The following DNAH3 variants were observed in gnomAD, a reference collection of about 807,000 sequenced individuals.
DNAH3 encodes dynein axonemal heavy chain 3.
DNAH3 carries 332 observed loss-of-function variants against 432.5 expected under a neutral mutation model. The observed-to-expected ratio is 0.77, with a 90% CI of 0.70 to 0.84. The LOEUF is 0.84. Ranked by LOEUF, DNAH3 falls within the 40% of genes least tolerant of loss-of-function variation. DNAH3 has a pLI of 0.00. For missense variants in DNAH3, 4,861 were observed against 5,114.0 expected (o/e 0.95, Z 1.51); for synonymous variants, 1,956 against 1,900.2 (o/e 1.03, Z -0.76).
In DNAH3 at chr16:21,079,222, G is replaced by A. The variant is rs371253567; in HGVS notation, c.2969+2414C>T. Among the ~76,000 whole-genome samples the A allele has an allele frequency of 1.7e-4, 26 of 152,268 alleles. No individual in the cohort carries two copies. In the South Asian group the frequency reaches 3.3e-3, roughly 19 times the overall value. ...TCCTAAGTGAAATGTTCATTCTTTCGGTTACTAGTGTGATCAATGGCTAAT... is the reference window on the plus strand; with the variant it reads ...TCCTAAGTGAAATGTTCATTCTTTCAGTTACTAGTGTGATCAATGGCTAAT... On this transcript the variant is annotated intron_variant, in intron 20 of 61. Coordinates refer to ENST00000261383, the Ensembl canonical transcript of DNAH3.
rs2090305757 is a variant in DNAH3 at position 21,060,441 on chromosome 16, G to A, written c.3721-85C>T. 3.0e-6 allele frequency: 3 copies of A among 986,272 alleles called. No individual in the cohort carries two copies. The African/African-American group carries it at 4.8e-5, about 16-fold the overall frequency. 61.1% of individuals were successfully genotyped at this position (986,272 alleles called of 1,614,324 possible). On this transcript the variant is annotated intron_variant, in intron 25 of 61. Coordinates refer to ENST00000261383, the Ensembl canonical transcript of DNAH3. ...TGGGCAGAACACAGCTTTCTCTCTG[G>A]ACACGGCTGGAGGGATGCCAAAGGC...
chr16:20,949,637 G>A (rs2084222274), intron 56 of DNAH3, among the ~76,000 whole-genome samples: 1 of 152,162 alleles, frequency 6.6e-6, no homozygotes, highest in South Asian at 2.1e-4. Flanking sequence ...TTGAGATGGT[G>A]GCAGTAACAG....
At chr16:21,030,980 C>A (rs2152723451) in intron 37 of DNAH3, 65 bp downstream of exon 37, 3 of 1,540,966 alleles carry the variant, frequency 1.9e-6, no homozygotes, top group Middle Eastern at 3.4e-4. Flanking sequence ...TTTGATCAAT[C>A]ACTTACTTCA....
At chr16:20,995,230 G>A (rs2086712697) in intron 44 of DNAH3, among the ~76,000 whole-genome samples, 1 of 152,022 alleles carries the variant, frequency 6.6e-6, no homozygotes, top group Admixed American at 6.6e-5. Flanking sequence ...ACAGCCGTGA[G>A]CCAGAGCCCG....
chr16:20,988,786 T>C (rs1377150510), intron 44 of DNAH3, among the ~76,000 whole-genome samples: 1 of 151,882 alleles, frequency 6.6e-6, no homozygotes, highest in Non-Finnish European at 1.5e-5. Context: ...GCTCTTAAGG[T>C]GGCGCGTCTG....
intron 41 of DNAH3, among the ~76,000 whole-genome samples, chr16:21,009,167 T>TG (rs2087462378): frequency 6.6e-6 from 1 of 152,246 alleles, no homozygotes; most frequent in African/African-American, 2.4e-5. Context: ...AGAAATAACT[T>TG]ACATATCCTA....
chr16:21,103,753 T>C (rs895449422), intron 16 of DNAH3: 1 of 152,150 alleles, frequency 6.6e-6, no homozygotes, highest in Non-Finnish European at 1.5e-5. Context: ...GAGTTTCTTA[T>C]GTGAAGGGGA....
rs79097596 is a variant in DNAH3 at position 21,083,520 on chromosome 16, C to T, written c.2878-1793G>A. ...AAAAAGCCTTTTAGATTTGTGGCTT[C>T]CATTTCGTTTGAAACCACAGTAGCA... On this transcript the variant is annotated intron_variant, in intron 19 of 61. Transcript: ENST00000261383. Among the ~76,000 whole-genome samples the T allele has an allele frequency of 1.4e-3, 210 of 152,318 alleles. 3 individuals are homozygous for T. The highest frequency in any genetic ancestry group is 0.013 in the South Asian group (62 of 4,826).
exon 53 of DNAH3, chr16:20,965,253 T>C (rs372631515): frequency 6.2e-7 from 1 of 1,613,126 alleles, no homozygotes; most frequent in Non-Finnish European, 8.5e-7. Flanking sequence ...AGGCCGACGA[T>C]ACATTTTTAA....
chr16:20,933,799 C>A (rs2083494958), intron 61 of DNAH3, among the ~76,000 whole-genome samples: 1 of 152,198 alleles, frequency 6.6e-6, no homozygotes, highest in Admixed American at 6.5e-5. Flanking sequence ...ATTGCACAAT[C>A]CCTTCCCTTT....
intron 26 of DNAH3, among the ~76,000 whole-genome samples, chr16:21,060,022 C>T (rs752079456): frequency 6.6e-6 from 1 of 152,110 alleles, no homozygotes; most frequent in Non-Finnish European, 1.5e-5. Context: ...AGGACTGGTC[C>T]GTGGCAACCA....
intron 17 of DNAH3, 35 bp from the exon 18 acceptor site, chr16:21,097,534 GGTT>G: frequency 6.2e-7 from 1 of 1,608,594 alleles, no homozygotes; most frequent in Non-Finnish European, 8.5e-7. Context: ...TTATGGGATG[GGTT>G]GTTCTCCTAA....
chr16:21,128,713 G>A (rs749971789), intron 7 of DNAH3, among the ~76,000 whole-genome samples: 7 of 149,276 alleles, frequency 4.7e-5, no homozygotes, highest in Admixed American at 1.3e-4. Context: ...AAATAGACGC[G>A]CTGGGTGTGG....
exon 44 of DNAH3, chr16:20,997,320 G>T: frequency 4.3e-6 from 7 of 1,614,150 alleles, no homozygotes; most frequent in Non-Finnish European, 5.9e-6. Context: ...GGGGCCCCAT[G>T]GCTGTCACGA....
chr16:20,962,384 G>A (rs191667081), intron 53 of DNAH3, among the ~76,000 whole-genome samples: 263 of 152,210 alleles, frequency 1.7e-3, no homozygotes, highest in African/African-American at 5.9e-3. Context: ...GCTGTGGCCC[G>A]TGCATTGTGA....
intron 40 of DNAH3, among the ~76,000 whole-genome samples, chr16:21,020,348 G>GTGTGTGTATATATATATATATA: frequency 3.3e-4 from 23 of 69,144 alleles, no homozygotes; most frequent in East Asian, 1.4e-3. Flanking sequence ...TATAGTGTGT[G>GTGTGTGTATATATATATATATA]TATATATATA....
chr16:20,972,385 C>T (rs1256749210), intron 51 of DNAH3, among the ~76,000 whole-genome samples: 1 of 152,006 alleles, frequency 6.6e-6, no homozygotes, highest in African/African-American at 2.4e-5. Flanking sequence ...CTCCACTGCA[C>T]CTGACCAATT....
intron 18 of DNAH3, among the ~76,000 whole-genome samples, chr16:21,089,908 A>C (rs956530203): frequency 6.6e-6 from 1 of 152,000 alleles, no homozygotes; most frequent in Admixed American, 6.6e-5. Context: ...GATAGGCCTA[A>C]AAAAAAGATA....
chr16:20,964,650 C>T lies in DNAH3; in HGVS notation c.9234G>A (p.Trp3078Ter), dbSNP rs1207264456. 1 of 1,614,090 alleles carries T rather than the reference C, an allele frequency of 6.2e-7. No homozygotes were observed. ...GCCCGTGAGGGTCAATCATTAAGGCCCAGCGTCTGGAATTGGATACAATGA... is the reference window on the plus strand; with the variant it reads ...GCCCGTGAGGGTCAATCATTAAGGCTCAGCGTCTGGAATTGGATACAATGA... The change falls in exon 53 of 62, where the codon TGG becomes TGA. Residue 3078 changes from tryptophan (W) to a stop codon, truncating the protein, a stop_gained. Transcript: ENST00000261383. LOFTEE classifies it high-confidence loss of function.
Sources: gnomAD v4.1 joint callset for allele counts (sites outside exome capture counted in the v4.1 genomes callset) on GRCh38, gnomAD v4.1.1 for gene constraint, MANE v1.5 for transcripts, NCBI Gene and HGNC (gene_info 2026-07-23, HGNC 2026-07-21) for gene names.